YAP1: variants seen among roughly 807,000 people sequenced by gnomAD.
YAP1 encodes the protein transcriptional coactivator YAP1.
In YAP1, 5 loss-of-function variants were observed where a neutral mutation model predicts 56.9. That is an observed-to-expected ratio of 0.09 (90% CI 0.05 to 0.18). YAP1 has a LOEUF of 0.18. YAP1 is among the 10% of genes least tolerant of loss of function. YAP1 has a pLI of 1.00. For synonymous variants in YAP1, 265 were observed against 248.1 expected (o/e 1.07, Z -0.64); for missense variants, 539 against 651.8 (o/e 0.83, Z 1.88).
intron 3 of YAP1, among the ~76,000 whole-genome samples, chr11:102,172,296 A>G (rs1946949789): frequency 6.7e-6 from 1 of 149,008 alleles, no homozygotes; most frequent in Admixed American, 6.7e-5. Context: ...AAGAACAGTG[A>G]AGAATTTTTT....
In YAP1 at chr11:102,121,609, TG is replaced by T. The variant is rs368269830; in HGVS notation, c.572+7217del. 1.6e-4 allele frequency among the ~76,000 whole-genome samples: 25 copies of T among 152,120 alleles called. No homozygotes were observed. In the South Asian group the frequency reaches 2.5e-3, roughly 15 times the overall value. On this transcript the variant is annotated intron_variant, in intron 2 of 8. Coordinates refer to ENST00000282441, the MANE Select transcript of YAP1 (RefSeq NM_001130145.3). Reference sequence around the variant, plus strand: ...GCTACCTCCCATGCCACCACCCCATTGGTCACTTAGTAGCCACCTCAGTTGT... The same window carrying T: ...GCTACCTCCCATGCCACCACCCCATTGTCACTTAGTAGCCACCTCAGTTGT...
intron 2 of YAP1, among the ~76,000 whole-genome samples, chr11:102,156,708 G>T (rs1945970428): frequency 6.6e-6 from 1 of 152,104 alleles, no homozygotes. Context: ...ATGGCATTAG[G>T]AAAAGATGTT....
intron 2 of YAP1, among the ~76,000 whole-genome samples, chr11:102,147,251 T>C (rs1945377751): frequency 6.6e-6 from 1 of 152,230 alleles, no homozygotes. Flanking sequence ...CATTTTTTAA[T>C]GTAATCCTCA....
At chr11:102,214,009 C>T (rs1949543715) in intron 6 of YAP1, among the ~76,000 whole-genome samples, 2 of 152,090 alleles carry the variant, frequency 1.3e-5, no homozygotes, top group African/African-American at 4.8e-5. Flanking sequence ...GTCTGGGAGG[C>T]AGCGGTTCAG....
intron 2 of YAP1, among the ~76,000 whole-genome samples, chr11:102,123,702 C>T (rs1943840753): frequency 7.2e-6 from 1 of 139,648 alleles, no homozygotes; most frequent in Non-Finnish European, 1.5e-5. Context: ...TGCAGTGGCT[C>T]GATCTCGTCT....
chr11:102,128,770 T>C (rs964232090), intron 2 of YAP1, among the ~76,000 whole-genome samples: 1 of 152,242 alleles, frequency 6.6e-6, no homozygotes, highest in East Asian at 1.9e-4. Context: ...CCTGGAGATA[T>C]AATTTCTATT....
chr11:102,115,357 A>G (rs1464224633), intron 2 of YAP1, among the ~76,000 whole-genome samples: 1 of 152,114 alleles, frequency 6.6e-6, no homozygotes, highest in African/African-American at 2.4e-5. Context: ...TTGACAGTCT[A>G]CTCCTAAGGC....
At chr11:102,225,899 C>T (rs188852373) in intron 7 of YAP1, among the ~76,000 whole-genome samples, 62 of 152,274 alleles carry the variant, frequency 4.1e-4, no homozygotes, top group Non-Finnish European at 2.9e-5. Context: ...GTAGCAGATG[C>T]TCAGTGAATG....
chr11:102,136,423 C>A (rs989890137), intron 2 of YAP1, among the ~76,000 whole-genome samples: 3 of 151,834 alleles, frequency 2.0e-5, no homozygotes, highest in African/African-American at 7.3e-5. Context: ...TCACTGCAAC[C>A]TCCATCTCCC....
intron 2 of YAP1, among the ~76,000 whole-genome samples, chr11:102,154,267 T>G (rs1945824142): frequency 6.6e-6 from 1 of 152,178 alleles, no homozygotes; most frequent in East Asian, 1.9e-4. Flanking sequence ...CTAGGGAATT[T>G]AAAATATCTT....
chr11:102,124,557 A>G (rs1943910665), intron 2 of YAP1, among the ~76,000 whole-genome samples: 1 of 151,586 alleles, frequency 6.6e-6, no homozygotes, highest in Non-Finnish European at 1.5e-5. Context: ...TTCCCGGGTA[A>G]TTTCTTCCAG....
intron 2 of YAP1, among the ~76,000 whole-genome samples, chr11:102,136,893 A>G (rs1341532510): frequency 6.6e-6 from 1 of 152,182 alleles, no homozygotes; most frequent in East Asian, 1.9e-4. Context: ...CTTAATTACT[A>G]AAACATTAGA....
chr11:102,114,494 GTTTTA>G, intron 2 of YAP1, 100 bp downstream of exon 2: 1 of 1,375,850 alleles, frequency 7.3e-7, no homozygotes, highest in Non-Finnish European at 9.7e-7. Context: ...TTATTTTTAT[GTTTTA>G]TTTAATATTT....
intron 5 of YAP1, 118 bp from the exon 6 acceptor site, chr11:102,209,399 G>C: frequency 4.5e-6 from 4 of 896,830 alleles, no homozygotes; most frequent in Non-Finnish European, 6.9e-6. Context: ...GCTTCTTCTT[G>C]GGTAGCTTGG....
intron 6 of YAP1, 106 bp downstream of exon 6, chr11:102,209,670 C>G: frequency 9.7e-7 from 1 of 1,033,332 alleles, no homozygotes; most frequent in Non-Finnish European, 1.4e-6. Flanking sequence ...GGACATTAGC[C>G]CAGAGAATAA....
chr11:102,151,354 C>G lies in YAP1; in HGVS notation c.573-11102C>G, dbSNP rs1945647612. Among the ~76,000 whole-genome samples, 4 of 152,218 alleles carry G rather than the reference C, an allele frequency of 2.6e-5. 1 individual carries two copies. In the South Asian group the frequency reaches 8.3e-4, roughly 32 times the overall value. ...TAATTTAGCCCATGGTTTCCCCTTG[C>G]CTCTCTTTCAAGAATGCTTCTCCAG... On this transcript the variant is annotated intron_variant, in intron 2 of 8. Coordinates refer to ENST00000282441, the MANE Select transcript of YAP1 (RefSeq NM_001130145.3).
At chr11:102,213,376 C>T (rs895934719) in intron 6 of YAP1, among the ~76,000 whole-genome samples, 2 of 152,110 alleles carry the variant, frequency 1.3e-5, no homozygotes, top group South Asian at 4.1e-4. Context: ...ATCCCAGCTG[C>T]TCAGGAGGCT....
intron 4 of YAP1, among the ~76,000 whole-genome samples, chr11:102,188,920 ATTT>A (rs76406964): frequency 0.065 from 9,921 of 152,152 alleles, 471 homozygotes; most frequent in South Asian, 0.2. Flanking sequence ...TTTTTTAATG[ATTT>A]TTTTCTTTAA....
chr11:102,200,674 A>T (rs1336205750), intron 4 of YAP1, among the ~76,000 whole-genome samples: 1 of 151,922 alleles, frequency 6.6e-6, no homozygotes, highest in Non-Finnish European at 1.5e-5. Flanking sequence ...CAAACTTCTG[A>T]CCTCTAGTGA....
Sources: allele counts gnomAD v4.1 joint callset (sites outside exome capture counted in the v4.1 genomes callset), GRCh38; gene constraint gnomAD v4.1.1; transcripts MANE v1.5; gene names NCBI Gene and HGNC (gene_info 2026-07-23, HGNC 2026-07-21).